Variants in NRG3 observed in about 807,000 individuals in gnomAD.
NRG3 encodes neuregulin 3, also known as pro-neuregulin-3, membrane-bound isoform.
A neutral mutation model predicts 66.9 loss-of-function variants in NRG3; 31 were observed. The ratio of observed to expected loss-of-function variants is 0.46; its 90% CI spans 0.35 to 0.63. NRG3 has a LOEUF of 0.63. Ranked by LOEUF, NRG3 falls within the 20% of genes least tolerant of loss-of-function variation. The pLI is 0.00. For missense variants in NRG3, 910 were observed against 878.9 expected (o/e 1.04, Z -0.45); for synonymous variants, 393 against 359.4 (o/e 1.09, Z -1.06).
chr10:82,514,950 T>G (rs1845515352), intron 2 of NRG3, among the ~76,000 whole-genome samples: 1 of 152,118 alleles, frequency 6.6e-6, no homozygotes, highest in Admixed American at 6.6e-5. Context: ...CACAGAATGT[T>G]CATCTATGTC....
intron 1 of NRG3, among the ~76,000 whole-genome samples, chr10:82,055,569 A>G (rs1016716755): frequency 2.6e-5 from 4 of 152,082 alleles, no homozygotes; most frequent in African/African-American, 9.7e-5. Flanking sequence ...AAATGGAAAA[A>G]GGCAAATTGG....
intron 1 of NRG3, among the ~76,000 whole-genome samples, chr10:82,030,841 A>G (rs1284620598): frequency 3.9e-5 from 6 of 152,158 alleles, no homozygotes; most frequent in African/African-American, 1.4e-4. Context: ...CAACGTTCAG[A>G]GTAATGAGCT....
At chr10:82,771,992 T>C (rs2059728808) in intron 3 of NRG3, among the ~76,000 whole-genome samples, 1 of 152,184 alleles carries the variant, frequency 6.6e-6, no homozygotes, top group African/African-American at 2.4e-5. Flanking sequence ...CCTTCTTCAT[T>C]GTCATCTCAG....
At chr10:82,738,915 C>T (rs1258991504) in intron 3 of NRG3, among the ~76,000 whole-genome samples, 3 of 152,190 alleles carry the variant, frequency 2.0e-5, no homozygotes, top group African/African-American at 7.2e-5. Context: ...CTTAGCTTTC[C>T]TTCTGCCCAG....
intron 1 of NRG3, among the ~76,000 whole-genome samples, chr10:81,971,151 A>G (rs1324120681): frequency 6.6e-6 from 1 of 152,218 alleles, no homozygotes; most frequent in Non-Finnish European, 1.5e-5. Context: ...AAAAAGAAAA[A>G]AAGAACACAA....
At chr10:82,926,223 A>T (rs186432186) in intron 4 of NRG3, among the ~76,000 whole-genome samples, 1,861 of 152,328 alleles carry the variant, frequency 0.012, 23 homozygotes, top group African/African-American at 0.037. Flanking sequence ...TGTATTAGGT[A>T]TTATAAGTAA....
chr10:82,675,837 T>C lies in NRG3; in HGVS notation c.954-62740T>C, dbSNP rs1023746137. 2.0e-5 allele frequency among the ~76,000 whole-genome samples: 3 copies of C among 152,230 alleles called. No homozygotes were observed. In the East Asian group the frequency reaches 5.8e-4, roughly 29 times the overall value. ...ATTTTTGCAAAGGCAGTTTCAGTTCTAGTACTCTATCTGGGATGTACCTTA... is the reference window on the plus strand; with the variant it reads ...ATTTTTGCAAAGGCAGTTTCAGTTCCAGTACTCTATCTGGGATGTACCTTA... On this transcript the variant is annotated intron_variant, in intron 2 of 8. Coordinates refer to ENST00000372141, the MANE Select transcript of NRG3 (RefSeq NM_001010848.4).
At chr10:82,849,457 A>G (rs1277492767) in intron 3 of NRG3, among the ~76,000 whole-genome samples, 1 of 152,204 alleles carries the variant, frequency 6.6e-6, no homozygotes, top group African/African-American at 2.4e-5. Context: ...CCTGCCTCAC[A>G]GAGCTTTACA....
intron 4 of NRG3, among the ~76,000 whole-genome samples, chr10:82,895,733 G>A (rs955089467): frequency 3.9e-5 from 6 of 151,968 alleles, no homozygotes; most frequent in African/African-American, 7.2e-5. Flanking sequence ...CTCGTGATCC[G>A]CCCGCCTTGG....
At chr10:82,875,165 G>A (rs1014159776) in intron 4 of NRG3, among the ~76,000 whole-genome samples, 22 of 152,070 alleles carry the variant, frequency 1.4e-4, no homozygotes, top group African/African-American at 5.3e-4. Flanking sequence ...CATTTGGGTG[G>A]TTCTACTGTA....
intron 2 of NRG3, among the ~76,000 whole-genome samples, chr10:82,650,433 C>CA (rs200797413): frequency 0.011 from 1,677 of 150,256 alleles, 27 homozygotes; most frequent in African/African-American, 0.037. Flanking sequence ...GAAACAAAAA[C>CA]AAAAAAAAAC....
At chr10:82,761,581 A>G (rs940723606) in intron 3 of NRG3, among the ~76,000 whole-genome samples, 1 of 152,116 alleles carries the variant, frequency 6.6e-6, no homozygotes, top group Non-Finnish European at 1.5e-5. Flanking sequence ...CTGAATTGCT[A>G]CTTTTCAGTA....
intron 3 of NRG3, among the ~76,000 whole-genome samples, chr10:82,839,504 C>A (rs1350184215): frequency 6.6e-6 from 1 of 151,624 alleles, no homozygotes; most frequent in African/African-American, 2.4e-5. Flanking sequence ...ACAATACCAT[C>A]ACCAAGGGAT....
chr10:82,047,001 G>C (rs914324571), intron 1 of NRG3, among the ~76,000 whole-genome samples: 49 of 132,806 alleles, frequency 3.7e-4, no homozygotes, highest in African/African-American at 1.2e-3. Context: ...TTGCATCAAT[G>C]TTCATCAAGG....
chr10:82,913,607 A>C (rs1845541446), intron 4 of NRG3, among the ~76,000 whole-genome samples: 1 of 152,164 alleles, frequency 6.6e-6, no homozygotes, highest in Non-Finnish European at 1.5e-5. Context: ...TTTTCCATTA[A>C]CATTTGAAAT....
At chr10:82,004,398 CA>C (rs528626948) in intron 1 of NRG3, among the ~76,000 whole-genome samples, 3 of 152,204 alleles carry the variant, frequency 2.0e-5, no homozygotes, top group African/African-American at 7.2e-5. Context: ...GTGGGAAAAC[CA>C]AAGGTGTAAA....
In NRG3 at chr10:82,212,762, A is replaced by T. The variant is rs1000749629; in HGVS notation, c.824-145977A>T. On this transcript the variant is annotated intron_variant, in intron 1 of 8. Coordinates refer to ENST00000372141, the MANE Select transcript of NRG3 (RefSeq NM_001010848.4). Reference sequence around the variant, plus strand: ...TGAAACATTAATATATGTGCCATTTATCTATTTAGTATACATTTTCAGTCT... The same window carrying T: ...TGAAACATTAATATATGTGCCATTTTTCTATTTAGTATACATTTTCAGTCT... Among the ~76,000 whole-genome samples the T allele has an allele frequency of 2.6e-5, 4 of 152,302 alleles. No homozygotes were observed. The South Asian group carries it at 6.2e-4, about 24-fold the overall frequency.
chr10:82,896,256 A>G lies in NRG3; in HGVS notation c.1054+30819A>G, dbSNP rs1221556273. 2.0e-5 allele frequency among the ~76,000 whole-genome samples: 3 copies of G among 152,292 alleles called. No individual in the cohort carries two copies. In the East Asian group the frequency reaches 5.8e-4, roughly 29 times the overall value. ...AGTTAATGCTCACAACCAGCACCTGATGAGGTCCTACCACACCATTTACTC... is the reference window on the plus strand; with the variant it reads ...AGTTAATGCTCACAACCAGCACCTGGTGAGGTCCTACCACACCATTTACTC... On this transcript the variant is annotated intron_variant, in intron 4 of 8. Transcript: ENST00000372141.
At chr10:82,779,307 A>C (rs1218492525) in intron 3 of NRG3, among the ~76,000 whole-genome samples, 4 of 152,132 alleles carry the variant, frequency 2.6e-5, no homozygotes, top group Admixed American at 2.0e-4. Context: ...TGGCAGAAAT[A>C]CTTCCTGTTT....
Sources: allele counts gnomAD v4.1 joint callset (sites outside exome capture counted in the v4.1 genomes callset), GRCh38; gene constraint gnomAD v4.1.1; transcripts MANE v1.5; gene names NCBI Gene and HGNC (gene_info 2026-07-23, HGNC 2026-07-21).